The following CSMD1 variants were observed in gnomAD, a reference collection of about 807,000 sequenced individuals.
The protein encoded by CSMD1 is CUB and sushi domain-containing protein 1.
In CSMD1, 213 loss-of-function variants were observed where a neutral mutation model predicts 417.5. The ratio of observed to expected loss-of-function variants is 0.51; its 90% CI spans 0.46 to 0.57. The LOEUF is 0.57. Among genes scored for constraint, CSMD1 ranks in the 20% least tolerant of loss-of-function variants. CSMD1 has a pLI of 0.00. For synonymous variants in CSMD1, 2,862 were observed against 1,736.8 expected (o/e 1.65, Z -16.11); for missense variants, 6,923 against 4,529.7 (o/e 1.53, Z -15.17).
intron 6 of CSMD1, among the ~76,000 whole-genome samples, chr8:3,747,977 G>C (rs961774859): frequency 9.9e-5 from 15 of 151,982 alleles, no homozygotes; most frequent in Non-Finnish European, 8.8e-5. Flanking sequence ...AGTCCACCAT[G>C]GTTCTCCAAG....
At chr8:3,640,384 A>T (rs1430320221) in intron 7 of CSMD1, among the ~76,000 whole-genome samples, 1 of 152,244 alleles carries the variant, frequency 6.6e-6, no homozygotes, top group Non-Finnish European at 1.5e-5. Context: ...ATATTCAATT[A>T]TATCTTCTCA....
At chr8:3,562,092 C>G (rs903697495) in intron 10 of CSMD1, among the ~76,000 whole-genome samples, 1 of 150,368 alleles carries the variant, frequency 6.7e-6, no homozygotes, top group South Asian at 2.1e-4. Context: ...TACCTTCTTA[C>G]AGATGAACAT....
intron 5 of CSMD1, among the ~76,000 whole-genome samples, chr8:3,883,452 T>C (rs1179646013): frequency 2.6e-5 from 4 of 152,160 alleles, no homozygotes; most frequent in Non-Finnish European, 5.9e-5. Flanking sequence ...ATATGTATGC[T>C]CGTGTATAAG....
At chr8:3,406,290 A>T in intron 14 of CSMD1, 69 bp from the exon 15 acceptor site, 1 of 1,291,016 alleles carries the variant, frequency 7.7e-7, no homozygotes, top group Non-Finnish European at 1.1e-6. Flanking sequence ...TTAAAAAAGA[A>T]GAAAACAGAA....
At chr8:4,081,757 G>A (rs539459033) in intron 3 of CSMD1, among the ~76,000 whole-genome samples, 1 of 152,224 alleles carries the variant, frequency 6.6e-6, no homozygotes, top group African/African-American at 2.4e-5. Context: ...ATTTTTTAAA[G>A]ACCCCAAATA....
chr8:3,631,694 G>A (rs951468929), intron 7 of CSMD1, among the ~76,000 whole-genome samples: 9 of 152,210 alleles, frequency 5.9e-5, no homozygotes, highest in African/African-American at 2.2e-4. Context: ...TCGTCAGACG[G>A]AGGGAAGAAA....
chr8:3,325,613 C>G (rs1469561531), intron 23 of CSMD1, among the ~76,000 whole-genome samples: 1 of 152,306 alleles, frequency 6.6e-6, no homozygotes, highest in African/African-American at 2.4e-5. Context: ...GGCCTGAGGT[C>G]AGGAGTTTGA....
intron 2 of CSMD1, among the ~76,000 whole-genome samples, chr8:4,548,356 G>T (rs901434983): frequency 1.3e-5 from 2 of 151,898 alleles, no homozygotes; most frequent in African/African-American, 4.8e-5. Context: ...ATACTCTATC[G>T]TATTTTGTCG....
chr8:4,111,717 A>T (rs1264757318), intron 3 of CSMD1, among the ~76,000 whole-genome samples: 1 of 152,174 alleles, frequency 6.6e-6, no homozygotes, highest in African/African-American at 2.4e-5. Flanking sequence ...GGAGCTGAAC[A>T]GTAGGAACAC....
chr8:4,339,210 C>G (rs1174998481), intron 3 of CSMD1, among the ~76,000 whole-genome samples: 1 of 152,038 alleles, frequency 6.6e-6, no homozygotes, highest in Non-Finnish European at 1.5e-5. Context: ...GCAAGTATAC[C>G]CCAGGCAATA....
intron 5 of CSMD1, among the ~76,000 whole-genome samples, chr8:3,770,315 G>C (rs977913018): frequency 1.3e-5 from 2 of 152,280 alleles, no homozygotes; most frequent in African/African-American, 4.8e-5. Flanking sequence ...TGGATCACAA[G>C]ATCAGGAGTT....
At chr8:4,723,404 A>C (rs1041475483) in intron 1 of CSMD1, among the ~76,000 whole-genome samples, 4 of 152,188 alleles carry the variant, frequency 2.6e-5, no homozygotes, top group African/African-American at 4.8e-5. Context: ...TGAAAACAAA[A>C]AGAGGGTTTA....
At chr8:4,674,968 C>T (rs146251280) in intron 1 of CSMD1, among the ~76,000 whole-genome samples, 177 of 152,266 alleles carry the variant, frequency 1.2e-3, no homozygotes, top group African/African-American at 4.0e-3. Context: ...TGAGAGGACA[C>T]GGTGAGGAGG....
At chr8:3,354,891 C>CGATCTATAGATATCTA (rs1808660603) in intron 21 of CSMD1, among the ~76,000 whole-genome samples, 16 of 142,194 alleles carry the variant, frequency 1.1e-4, no homozygotes, top group African/African-American at 4.3e-4. Context: ...ATAGATATGT[C>CGATCTATAGATATCTA]TATCTATAGA....
At chr8:4,146,315 C>T (rs978710487) in intron 3 of CSMD1, among the ~76,000 whole-genome samples, 1 of 150,882 alleles carries the variant, frequency 6.6e-6, no homozygotes. Context: ...TGCTTGGTGT[C>T]TGACACATCC....
chr8:3,915,789 T>G (rs1309064685), intron 5 of CSMD1, among the ~76,000 whole-genome samples: 2 of 148,380 alleles, frequency 1.3e-5, no homozygotes, highest in Non-Finnish European at 3.0e-5. Context: ...AATTTTCGTA[T>G]CAATTTTATT....
chr8:4,394,917 G>C (rs1169954181), intron 3 of CSMD1, among the ~76,000 whole-genome samples: 1 of 152,132 alleles, frequency 6.6e-6, no homozygotes, highest in Non-Finnish European at 1.5e-5. Context: ...TCTACAGCAG[G>C]TGCACTGAAT....
At chr8:4,584,167 G>C (rs1477995335) in intron 2 of CSMD1, among the ~76,000 whole-genome samples, 1 of 152,038 alleles carries the variant, frequency 6.6e-6, no homozygotes, top group Non-Finnish European at 1.5e-5. Context: ...CTTAAGAACT[G>C]TAACACTCAC....
intron 1 of CSMD1, among the ~76,000 whole-genome samples, chr8:4,782,310 C>A (rs1411496652): frequency 6.6e-6 from 1 of 152,070 alleles, no homozygotes; most frequent in Non-Finnish European, 1.5e-5. Flanking sequence ...ATGCTAGTTA[C>A]CTTGATTTGA....
Sources: gnomAD v4.1 joint callset for allele counts (sites outside exome capture counted in the v4.1 genomes callset) on GRCh38, gnomAD v4.1.1 for gene constraint, MANE v1.5 for transcripts, NCBI Gene and HGNC (gene_info 2026-07-23, HGNC 2026-07-21) for gene names.